SLC2A9: variants seen among roughly 807,000 people sequenced by gnomAD.
The protein encoded by SLC2A9 is solute carrier family 2 member 9, also known as solute carrier family 2, facilitated glucose transporter member 9.
Under a neutral mutation model 50.6 loss-of-function variants are expected in SLC2A9, and 39 were observed. That is an observed-to-expected ratio of 0.77 (90% CI 0.60 to 1.01). The LOEUF is 1.01. Ranked by LOEUF, SLC2A9 falls within the 50% of genes least tolerant of loss-of-function variation. The probability of loss-of-function intolerance (pLI) is 0.00; values close to 1 mark genes in which losing one functional copy is unlikely to be tolerated. For missense variants in SLC2A9, 686 were observed against 677.6 expected (o/e 1.01, Z -0.14); for synonymous variants, 324 against 276.9 (o/e 1.17, Z -1.69).
At position 9,935,583 on chromosome 4, in the gene SLC2A9, C is replaced by G. The variant is rs527308086; in HGVS notation, c.814+6330G>C. On this transcript the variant is annotated intron_variant, in intron 6 of 11. Coordinates refer to ENST00000264784, the MANE Select transcript of SLC2A9 (RefSeq NM_020041.3). Reference sequence around the variant, plus strand: ...GCCCAGAGAGGTGTTGTGACCAAACCAGAACTCCTGACCCCTGCCCAGTGT... The same window carrying G: ...GCCCAGAGAGGTGTTGTGACCAAACGAGAACTCCTGACCCCTGCCCAGTGT... 4.6e-5 allele frequency among the ~76,000 whole-genome samples: 7 copies of G among 152,284 alleles called. No homozygotes were observed. The East Asian group carries it at 1.3e-3, about 29-fold the overall frequency.
At position 9,886,761 on chromosome 4, in the gene SLC2A9, C is replaced by G. The variant is rs185854976; in HGVS notation, c.1291+806G>C. Among the ~76,000 whole-genome samples the G allele has an allele frequency of 2.4e-3, 365 of 152,234 alleles. 2 individuals are homozygous for G. Among genetic ancestry groups the G allele is most frequent in the Non-Finnish European group, 4.1e-3 (282 of 68,022 alleles). ...CCCATGAGAGAGCACATGGCTGTGT[C>G]AGACCCTGCCCTGAGCCCCCCTTCT... On this transcript the variant is annotated intron_variant, in intron 10 of 11. Coordinates refer to ENST00000264784, the MANE Select transcript of SLC2A9 (RefSeq NM_020041.3).
chr4:9,795,978 CAAGT>C (rs1457957793), downstream of SLC2A9, among the ~76,000 whole-genome samples: 2 of 152,186 alleles, frequency 1.3e-5, no homozygotes, highest in Non-Finnish European at 2.9e-5. Context: ...GTTGTAGGTA[CAAGT>C]AATAGTCCCA....
rs181519830 is a variant in SLC2A9, at chr4:10,037,338, A to T, written c.-41+2792T>A. 2.5e-3 allele frequency among the ~76,000 whole-genome samples: 380 copies of T among 152,264 alleles called. 1 individual carries two copies. Among genetic ancestry groups the T allele is most frequent in the Middle Eastern group, 0.017 (5 of 294 alleles). ...AAAATGGGATCATACGGTACGGTAT[A>T]TGACCTTTTGTATCTGGCTTCTCTC... On this transcript the variant is annotated intron_variant, in intron 1 of 12. Transcript: ENST00000309065.
intron 10 of SLC2A9, among the ~76,000 whole-genome samples, chr4:9,850,788 T>C (rs993502426): frequency 6.6e-6 from 1 of 152,152 alleles, no homozygotes; most frequent in Non-Finnish European, 1.5e-5. Context: ...CACATGTGTG[T>C]GCATTCATCA....
intron 8 of SLC2A9, among the ~76,000 whole-genome samples, chr4:9,892,173 AGTG>A (rs1737596910): frequency 6.6e-6 from 1 of 152,216 alleles, no homozygotes; most frequent in Non-Finnish European, 1.5e-5. Context: ...CTGAGGGGTG[AGTG>A]ACAGCTGCCT....
chr4:9,858,356 T>A (rs1577563319), intron 10 of SLC2A9, among the ~76,000 whole-genome samples: 1 of 152,200 alleles, frequency 6.6e-6, no homozygotes, highest in Non-Finnish European at 1.5e-5. Context: ...CTGTCTAGGG[T>A]TCTCTTTGTT....
upstream of SLC2A9, chr4:10,026,131 T>G: frequency 1.5e-6 from 1 of 672,330 alleles, no homozygotes; most frequent in Non-Finnish European, 2.7e-6. Flanking sequence ...GATGCCAGGA[T>G]AGGACACAGC....
rs529442120 is a variant in SLC2A9, at chr4:9,983,212, G to C, written c.535+2457C>G. Among the ~76,000 whole-genome samples, 6 of 152,318 alleles carry C rather than the reference G, an allele frequency of 3.9e-5. No homozygotes were observed. In the East Asian group the frequency reaches 9.6e-4, roughly 24 times the overall value. Reference sequence around the variant, plus strand: ...CCAACAAGGGAGGCCTTACTGCTAAGTTGCCACGCCAGGTGGGAAAGAGGC... The same window carrying C: ...CCAACAAGGGAGGCCTTACTGCTAACTTGCCACGCCAGGTGGGAAAGAGGC... On this transcript the variant is annotated intron_variant, in intron 4 of 11. Coordinates refer to ENST00000264784, the MANE Select transcript of SLC2A9 (RefSeq NM_020041.3).
chr4:9,897,906 C>T (rs1485977715), intron 8 of SLC2A9, among the ~76,000 whole-genome samples: 1 of 151,832 alleles, frequency 6.6e-6, no homozygotes, highest in East Asian at 1.9e-4. Flanking sequence ...CTCAGAAAAA[C>T]CAAAAACAAA....
chr4:9,907,286 G>A (rs1740858511), intron 8 of SLC2A9, among the ~76,000 whole-genome samples: 1 of 152,236 alleles, frequency 6.6e-6, no homozygotes, highest in Non-Finnish European at 1.5e-5. Flanking sequence ...CTGAAGCTCA[G>A]AGATGTTGAG....
intron 3 of SLC2A9, among the ~76,000 whole-genome samples, chr4:9,809,046 T>C (rs547096687): frequency 6.6e-6 from 1 of 152,342 alleles, no homozygotes; most frequent in East Asian, 1.9e-4. Flanking sequence ...TGGAAAAGAA[T>C]GATTCTAATT....
intron 5 of SLC2A9, among the ~76,000 whole-genome samples, chr4:9,971,316 T>C (rs1363101702): frequency 1.3e-5 from 2 of 152,250 alleles, no homozygotes; most frequent in Non-Finnish European, 2.9e-5. Flanking sequence ...GATTGTCATA[T>C]TACTATTAAT....
chr4:9,966,852 T>C lies in SLC2A9; in HGVS notation c.681+13740A>G, dbSNP rs186704661. ...AACCAAACATTTCCTCTGTTGATTT[T>C]TGAGGTTTCCTTTTGCACACATTAA... On this transcript the variant is annotated intron_variant, in intron 5 of 11. Transcript: ENST00000264784. 1.6e-4 allele frequency among the ~76,000 whole-genome samples: 24 copies of C among 152,342 alleles called. No homozygotes were observed. In the East Asian group the frequency reaches 4.0e-3, roughly 26 times the overall value.
At chr4:9,985,635 T>A (rs1196642768) in intron 4 of SLC2A9, 34 bp downstream of exon 4, 1 of 1,613,696 alleles carries the variant, frequency 6.2e-7, no homozygotes, top group Admixed American at 1.7e-5. Flanking sequence ...AAGGAGTATG[T>A]TACTGTTCCC....
At chr4:9,960,478 T>C (rs76783582) in intron 5 of SLC2A9, among the ~76,000 whole-genome samples, 2,269 of 152,234 alleles carry the variant, frequency 0.015, 69 homozygotes, top group African/African-American at 0.051. Flanking sequence ...CCCAGCCCCT[T>C]AAGGGTTTAC....
At chr4:9,897,618 C>G (rs1477154981) in intron 8 of SLC2A9, among the ~76,000 whole-genome samples, 1 of 152,056 alleles carries the variant, frequency 6.6e-6, no homozygotes, top group Non-Finnish European at 1.5e-5. Context: ...GACAGACACG[C>G]ACACAGGCCT....
At chr4:9,854,151 G>T (rs946228155) in intron 10 of SLC2A9, among the ~76,000 whole-genome samples, 1 of 152,004 alleles carries the variant, frequency 6.6e-6, no homozygotes, top group Non-Finnish European at 1.5e-5. Context: ...TGAACTGAAA[G>T]AAATTGAGAC....
chr4:9,926,127 T>C (rs1246674861), intron 6 of SLC2A9, among the ~76,000 whole-genome samples: 1 of 152,016 alleles, frequency 6.6e-6, no homozygotes, highest in African/African-American at 2.4e-5. Context: ...AGCCCACACC[T>C]GGGAGTGCCC....
At chr4:10,018,399 G>A (rs1017831526) in intron 2 of SLC2A9, among the ~76,000 whole-genome samples, 2 of 152,076 alleles carry the variant, frequency 1.3e-5, no homozygotes, top group Non-Finnish European at 2.9e-5. Flanking sequence ...AAAATTAGTC[G>A]GGTGTGGTGG....
Sources: gnomAD v4.1 joint callset for allele counts (sites outside exome capture counted in the v4.1 genomes callset) on GRCh38, gnomAD v4.1.1 for gene constraint, MANE v1.5 for transcripts, NCBI Gene and HGNC (gene_info 2026-07-23, HGNC 2026-07-21) for gene names.